The following CDH18 variants were observed in gnomAD, a reference collection of about 807,000 sequenced individuals.
CDH18 encodes cadherin 18.
A neutral mutation model predicts 67.9 loss-of-function variants in CDH18; 31 were observed. The observed-to-expected ratio is 0.46, with a 90% confidence interval of 0.34 to 0.62. CDH18 has a LOEUF of 0.62. Ranked by LOEUF, CDH18 falls within the 20% of genes least tolerant of loss-of-function variation. The pLI, the probability that CDH18 is intolerant of heterozygous loss-of-function variation, is 0.01. For missense variants in CDH18, 890 were observed against 975.5 expected (o/e 0.91, Z 1.17); for synonymous variants, 362 against 347.2 (o/e 1.04, Z -0.48).
intron 2 of CDH18, among the ~76,000 whole-genome samples, chr5:20,110,850 G>A (rs1255070971): frequency 2.6e-5 from 4 of 151,950 alleles, no homozygotes; most frequent in South Asian, 2.1e-4. Flanking sequence ...TTCACTAATC[G>A]AATTTATTTA....
intron 2 of CDH18, among the ~76,000 whole-genome samples, chr5:20,110,180 T>C (rs1217555512): frequency 6.6e-6 from 1 of 152,216 alleles, no homozygotes; most frequent in African/African-American, 2.4e-5. Context: ...GGATCCCACA[T>C]TGAAATATGT....
chr5:20,339,611 G>A (rs946490757), intron 1 of CDH18, among the ~76,000 whole-genome samples: 4 of 152,036 alleles, frequency 2.6e-5, no homozygotes, highest in South Asian at 2.1e-4. Context: ...CTAGAACCCC[G>A]TCAAACTTAC....
chr5:19,985,389 A>C (rs1799456667), intron 1 of CDH18, among the ~76,000 whole-genome samples: 1 of 152,108 alleles, frequency 6.6e-6, no homozygotes, highest in African/African-American at 2.4e-5. Context: ...AGTGGTTCTC[A>C]AAATTGCATT....
rs527251168 is a variant in CDH18 at position 19,573,088 on chromosome 5, T to C, written c.1000-1256A>G. ...TTACCAGTTTCCAAAAAAATATGTA[T>C]CTTTATATCTTAAAAAATTCAAATT... is the stretch of plus-strand genomic sequence containing the variant. On this transcript the variant is annotated intron_variant, in intron 7 of 12. Coordinates refer to ENST00000382275, the MANE Select transcript of CDH18 (RefSeq NM_004934.5). Among the ~76,000 whole-genome samples the C allele has an allele frequency of 2.6e-5, 4 of 152,252 alleles. No individual in the cohort carries two copies. The East Asian group carries it at 5.8e-4, about 22-fold the overall frequency.
intron 2 of CDH18, among the ~76,000 whole-genome samples, chr5:19,842,454 T>C (rs1782444150): frequency 6.6e-6 from 1 of 152,156 alleles, no homozygotes; most frequent in South Asian, 2.1e-4. Flanking sequence ...TTCTCTCTCC[T>C]GATGCCTTGT....
chr5:20,305,678 A>C (rs946612696), intron 1 of CDH18: 6 of 471,624 alleles, frequency 1.3e-5, no homozygotes, highest in African/African-American at 2.0e-5. Context: ...GGAGATCCTC[A>C]CGCTGTGTTC....
chr5:19,594,444 C>T (rs970276236), intron 6 of CDH18, among the ~76,000 whole-genome samples: 2 of 152,134 alleles, frequency 1.3e-5, no homozygotes, highest in Admixed American at 1.3e-4. Context: ...AGCCACTTCG[C>T]CCGGCCTGTT....
At chr5:19,720,416 C>G (rs1765930668) in intron 5 of CDH18, among the ~76,000 whole-genome samples, 1 of 152,122 alleles carries the variant, frequency 6.6e-6, no homozygotes, top group Non-Finnish European at 1.5e-5. Flanking sequence ...CTCTCTACTT[C>G]ATCCATCTCA....
chr5:20,434,694 T>C (rs903810311), intron 1 of CDH18, among the ~76,000 whole-genome samples: 2 of 152,078 alleles, frequency 1.3e-5, no homozygotes, highest in African/African-American at 2.4e-5. Context: ...CAGAATTACC[T>C]AGGTTCTCCT....
chr5:20,249,084 G>A (rs1331581842), intron 2 of CDH18, among the ~76,000 whole-genome samples: 2 of 152,196 alleles, frequency 1.3e-5, no homozygotes, highest in East Asian at 3.9e-4. Flanking sequence ...GTACAGCGAA[G>A]TATTTATCTT....
intron 2 of CDH18, among the ~76,000 whole-genome samples, chr5:20,109,699 G>A (rs1747286305): frequency 6.6e-6 from 1 of 152,170 alleles, no homozygotes; most frequent in Non-Finnish European, 1.5e-5. Context: ...AAACAGCACA[G>A]TCATTTTTTG....
intron 1 of CDH18, among the ~76,000 whole-genome samples, chr5:20,281,100 G>C (rs1045159818): frequency 6.6e-6 from 1 of 152,078 alleles, no homozygotes; most frequent in African/African-American, 2.4e-5. Context: ...GTGGATTCTG[G>C]ATATTAGCCC....
intron 9 of CDH18, among the ~76,000 whole-genome samples, chr5:19,526,607 T>C (rs1384208255): frequency 6.6e-6 from 1 of 152,100 alleles, no homozygotes; most frequent in Non-Finnish European, 1.5e-5. Context: ...TTCTTAAATA[T>C]CATGACTTAA....
chr5:19,692,840 A>T (rs1296160056), intron 5 of CDH18, among the ~76,000 whole-genome samples: 2 of 151,952 alleles, frequency 1.3e-5, no homozygotes, highest in East Asian at 3.9e-4. Flanking sequence ...CAGAAAAAAA[A>T]AACTTAAAAA....
At chr5:20,228,324 C>A (rs1470657913) in intron 2 of CDH18, among the ~76,000 whole-genome samples, 3 of 152,002 alleles carry the variant, frequency 2.0e-5, no homozygotes, top group Non-Finnish European at 4.4e-5. Context: ...CATTTGCCTT[C>A]AAAGTCCTCT....
intron 2 of CDH18, among the ~76,000 whole-genome samples, chr5:20,098,999 T>A (rs1746229079): frequency 6.6e-6 from 1 of 152,168 alleles, no homozygotes; most frequent in South Asian, 2.1e-4. Context: ...AGAAATAACT[T>A]TGAAAATGAC....
At position 19,758,945 on chromosome 5, in the gene CDH18, C is replaced by G. The variant is rs115118945; in HGVS notation, c.229-11709G>C. Among the ~76,000 whole-genome samples, 238 of 152,320 alleles carry G rather than the reference C, an allele frequency of 1.6e-3. 1 individual carries two copies. The highest frequency in any genetic ancestry group is 5.1e-3 in the African/African-American group (212 of 41,586). On this transcript the variant is annotated intron_variant, in intron 3 of 12. Transcript: ENST00000382275. ...CAGAAGCGAAAAGCGATCAAAGTCT[C>G]TCTGAATAAGATTATGACACAAAAC...
chr5:19,651,315 A>G (rs1308996446), intron 5 of CDH18, among the ~76,000 whole-genome samples: 1 of 152,070 alleles, frequency 6.6e-6, no homozygotes, highest in Non-Finnish European at 1.5e-5. Flanking sequence ...AATTGCTAGA[A>G]AAAAATCTCT....
intron 2 of CDH18, among the ~76,000 whole-genome samples, chr5:19,859,989 G>T (rs80244157): frequency 2.1e-5 from 3 of 143,248 alleles, no homozygotes; most frequent in South Asian, 4.6e-4. Context: ...GTTTGCTTTG[G>T]GTGTGTGTGT....
Sources: gnomAD v4.1 joint callset for allele counts (sites outside exome capture counted in the v4.1 genomes callset) on GRCh38, gnomAD v4.1.1 for gene constraint, MANE v1.5 for transcripts, NCBI Gene and HGNC (gene_info 2026-07-23, HGNC 2026-07-21) for gene names.